Variants in RASSF8 observed in about 807,000 individuals in gnomAD.
The protein encoded by RASSF8 is Ras association domain family member 8, also known as ras association domain-containing protein 8.
A neutral mutation model predicts 48.5 loss-of-function variants in RASSF8; 22 were observed. The observed-to-expected ratio is 0.45, with a 90% CI of 0.32 to 0.65. The LOEUF (loss-of-function observed/expected upper bound fraction) is 0.65. Ranked by LOEUF, RASSF8 falls within the 30% of genes least tolerant of loss-of-function variation. RASSF8 has a pLI of 0.03. For synonymous variants in RASSF8, 127 were observed against 171.5 expected (o/e 0.74, Z 2.03); for missense variants, 418 against 489.2 (o/e 0.85, Z 1.37).
chr12:25,964,236 C>T (rs706523), intron 1 of RASSF8, among the ~76,000 whole-genome samples: 2,258 of 151,878 alleles, frequency 0.015, 72 homozygotes, highest in African/African-American at 0.052. Flanking sequence ...ATATTTATTA[C>T]CCATTTATTT....
chr12:26,073,799 TACAC>T (rs1239157752), downstream of RASSF8, among the ~76,000 whole-genome samples: 1 of 129,176 alleles, frequency 7.7e-6, no homozygotes, highest in African/African-American at 3.4e-5. Flanking sequence ...ACATTATGTA[TACAC>T]ACACATATAT....
intron 2 of RASSF8, among the ~76,000 whole-genome samples, chr12:26,031,898 G>T (rs1439386423): frequency 1.3e-5 from 2 of 152,070 alleles, no homozygotes; most frequent in Non-Finnish European, 2.9e-5. Flanking sequence ...TATATGTTTT[G>T]CTTATAAATA....
intron 2 of RASSF8, among the ~76,000 whole-genome samples, chr12:26,014,472 G>C (rs1022566023): frequency 3.9e-5 from 6 of 152,184 alleles, no homozygotes; most frequent in African/African-American, 1.4e-4. Context: ...AGGAAGAACA[G>C]ACACACAGCA....
intron 2 of RASSF8, among the ~76,000 whole-genome samples, chr12:26,005,410 T>C (rs1942366978): frequency 1.3e-5 from 2 of 152,222 alleles, no homozygotes; most frequent in African/African-American, 4.8e-5. Context: ...CTACTCCTCA[T>C]TGCACCGGTG....
chr12:26,070,678 G>A lies in RASSF8; in HGVS notation c.*1860G>A. ...AATGATTTACATATGCCCAATATAT[G>A]CCTTATTTTTAAATAAGTCATTCTG... On this transcript the variant is annotated 3_prime_UTR_variant, in exon 6 of 6. Coordinates refer to ENST00000689635, the MANE Select transcript of RASSF8 (RefSeq NM_001394098.1). 2.1e-6 allele frequency: 2 copies of A among 946,198 alleles called. No individual in the cohort carries two copies. The highest frequency in any genetic ancestry group is 2.5e-6 in the Non-Finnish European group (2 of 794,700). 58.6% of individuals were successfully genotyped at this position (946,198 alleles called of 1,614,324 possible). A position where few individuals can be genotyped will look rare whatever the true frequency, so the allele number is the denominator to read the frequency against.
At chr12:25,991,985 AT>A (rs1344000809) in intron 1 of RASSF8, among the ~76,000 whole-genome samples, 2 of 152,238 alleles carry the variant, frequency 1.3e-5, no homozygotes, top group Non-Finnish European at 2.9e-5. Context: ...CCTTTTCCCC[AT>A]AATTACATGT....
intron 2 of RASSF8, among the ~76,000 whole-genome samples, chr12:26,037,902 G>T (rs1190159475): frequency 1.3e-5 from 2 of 152,206 alleles, no homozygotes; most frequent in Non-Finnish European, 2.9e-5. Flanking sequence ...TAGCCTGAGT[G>T]TGAAACAATT....
intron 2 of RASSF8, 57 bp downstream of exon 2, chr12:25,995,187 T>C (rs1313614350): frequency 6.6e-6 from 1 of 152,182 alleles, no homozygotes; most frequent in East Asian, 1.9e-4. Flanking sequence ...GAGTAGCACT[T>C]TCAATGACTT....
At chr12:25,994,673 G>A (rs1942091249) in intron 1 of RASSF8, among the ~76,000 whole-genome samples, 1 of 152,178 alleles carries the variant, frequency 6.6e-6, no homozygotes, top group South Asian at 2.1e-4. Context: ...CAAATGTAAA[G>A]CTACTTTCAA....
chr12:26,025,894 TA>T (rs966544889), intron 2 of RASSF8, among the ~76,000 whole-genome samples: 2 of 150,374 alleles, frequency 1.3e-5, no homozygotes, highest in Admixed American at 6.6e-5. Flanking sequence ...AAGACCAAAA[TA>T]AAAAAAAAGA....
exon 6 of RASSF8, chr12:26,079,157 A>C: frequency 1.1e-6 from 1 of 922,722 alleles, no homozygotes; most frequent in South Asian, 1.7e-5. Flanking sequence ...ACAACAAAGG[A>C]AACGATCACC....
At chr12:26,019,289 T>C (rs1942728484) in intron 2 of RASSF8, among the ~76,000 whole-genome samples, 1 of 152,154 alleles carries the variant, frequency 6.6e-6, no homozygotes, top group African/African-American at 2.4e-5. Flanking sequence ...TAAAAAATAA[T>C]ATAGAAGCAA....
chr12:25,987,092 G>T (rs1212526572), intron 1 of RASSF8, among the ~76,000 whole-genome samples: 3 of 152,112 alleles, frequency 2.0e-5, no homozygotes, highest in African/African-American at 4.8e-5. Flanking sequence ...GTGCCACCAT[G>T]CCCAGCTAAT....
At chr12:26,075,804 C>G (rs973925561), downstream of RASSF8, among the ~76,000 whole-genome samples, 5 of 152,078 alleles carry the variant, frequency 3.3e-5, no homozygotes, top group African/African-American at 1.2e-4. Flanking sequence ...AGTCACCACA[C>G]AAAGGGAGGC....
chr12:26,065,496 C>T (rs775680490), intron 4 of RASSF8, 109 bp downstream of exon 4: 4 of 1,386,444 alleles, frequency 2.9e-6, no homozygotes, highest in Non-Finnish European at 3.9e-6. Flanking sequence ...AATTAGAAAC[C>T]CAGCCTTGTT....
intron 1 of RASSF8, among the ~76,000 whole-genome samples, chr12:25,972,430 G>A (rs572604136): frequency 1.2e-4 from 18 of 152,140 alleles, no homozygotes; most frequent in Non-Finnish European, 2.1e-4. Flanking sequence ...AACTAAAAGA[G>A]TAAGGGCATT....
chr12:25,981,437 T>G (rs932894986), intron 1 of RASSF8, among the ~76,000 whole-genome samples: 2 of 152,124 alleles, frequency 1.3e-5, no homozygotes, highest in Non-Finnish European at 2.9e-5. Flanking sequence ...CCTCAGAGGT[T>G]GTGCAGTTGG....
chr12:26,078,893 T>A, intron 5 of RASSF8: 1 of 615,886 alleles, frequency 1.6e-6, no homozygotes, highest in Non-Finnish European at 2.5e-6. Flanking sequence ...TTCTAGAAGG[T>A]TCTCAAAAAA....
chr12:25,991,471 G>C (rs1467449632), intron 1 of RASSF8, among the ~76,000 whole-genome samples: 1 of 151,812 alleles, frequency 6.6e-6, no homozygotes. Flanking sequence ...TCCAGGAATG[G>C]CTTGGGTGAA....
Sources: gnomAD v4.1 joint callset for allele counts (sites outside exome capture counted in the v4.1 genomes callset) on GRCh38, gnomAD v4.1.1 for gene constraint, MANE v1.5 for transcripts, NCBI Gene and HGNC (gene_info 2026-07-23, HGNC 2026-07-21) for gene names.